The following TARS3 variants were observed in gnomAD, a reference collection of about 807,000 sequenced individuals.
TARS3 encodes the protein threonyl-tRNA synthetase 3.
In TARS3, 94 loss-of-function variants were observed where a neutral mutation model predicts 103.5. The ratio of observed to expected loss-of-function variants is 0.91; its 90% CI spans 0.77 to 1.08. The LOEUF (loss-of-function observed/expected upper bound fraction) is 1.08, where lower values mean the gene tolerates loss of function less well. Ranked by LOEUF, TARS3 falls within the 50% of genes least tolerant of loss-of-function variation. The probability of loss-of-function intolerance (pLI) is 0.00; values close to 1 mark genes in which losing one functional copy is unlikely to be tolerated. For missense variants in TARS3, 952 were observed against 995.2 expected, an observed-to-expected ratio of 0.96 and a Z score of 0.58; for synonymous variants, 416 against 355.4, an observed-to-expected ratio of 1.17 and a Z score of -1.92.
chr15:101,696,023 C>T (rs1349173778), intron 10 of TARS3: 1 of 151,618 alleles, frequency 6.6e-6, no homozygotes, highest in African/African-American at 2.4e-5. Flanking sequence ...TTGAGACCAT[C>T]CTGGCTAACA....
At chr15:101,661,289 G>C (rs752007364) in intron 16 of TARS3, among the ~76,000 whole-genome samples, 2 of 151,694 alleles carry the variant, frequency 1.3e-5, no homozygotes, top group Non-Finnish European at 2.9e-5. Flanking sequence ...CTCCTCAGTG[G>C]CTGTAGGGAA....
Position 101,698,359 on chromosome 15 carries a change from C to T in TARS3, c.1320+2727G>A, listed in dbSNP as rs995193449. ...AAGAAAAATAAAAAATAAAAAAATA[C>T]ATAAATAATTTTTTTTTTTTTAAAA... On this transcript the variant is annotated intron_variant, in intron 10 of 18. Transcript: ENST00000335968. 3.3e-5 allele frequency among the ~76,000 whole-genome samples: 5 copies of T among 151,588 alleles called. No homozygotes were observed. The East Asian group carries it at 7.7e-4, about 23-fold the overall frequency.
chr15:101,679,339 T>C lies in TARS3; in HGVS notation c.1651-3602A>G, dbSNP rs1898161064. Among the ~76,000 whole-genome samples, 3 of 148,292 alleles carry C rather than the reference T, an allele frequency of 2.0e-5. No individual in the cohort carries two copies. The South Asian group carries it at 6.2e-4, about 31-fold the overall frequency. On this transcript the variant is annotated intron_variant, in intron 12 of 18. Transcript: ENST00000335968. Reference sequence around the variant, plus strand: ...TTTCTCTTTCAGTCTGTTTTCTCTATGTTTTTCAGATTGTGTAATTTCTGT... The same window carrying C: ...TTTCTCTTTCAGTCTGTTTTCTCTACGTTTTTCAGATTGTGTAATTTCTGT...
intron 3 of TARS3, 31 bp from the exon 4 acceptor site, chr15:101,714,994 C>CT (rs1343283440): frequency 6.3e-7 from 1 of 1,589,416 alleles, no homozygotes; most frequent in Non-Finnish European, 8.6e-7. Flanking sequence ...TGGGAGTTAA[C>CT]TTTATCACTG....
At chr15:101,683,610 C>T (rs990156841) in intron 12 of TARS3, among the ~76,000 whole-genome samples, 3 of 152,170 alleles carry the variant, frequency 2.0e-5, no homozygotes, top group African/African-American at 7.2e-5. Context: ...ATATTACCCA[C>T]CCCACATGAA....
chr15:101,711,874 T>C lies in TARS3; in HGVS notation c.812+6A>G. ...TGCATTCACAAGCCAGTATTCAGTG[T>C]GTTACCTGTCTTCAATGAACATGTC... On this transcript the variant is annotated splice_donor_region_variant and intron_variant, in intron 5 of 18. Transcript: ENST00000335968. The C allele has an allele frequency of 6.2e-7, 1 of 1,613,572 alleles. No individual in the cohort carries two copies. Among genetic ancestry groups the C allele is most frequent in the Non-Finnish European group, 8.5e-7 (1 of 1,179,668 alleles).
intron 18 of TARS3, among the ~76,000 whole-genome samples, 178 bp downstream of exon 18, chr15:101,656,744 A>T (rs775990786): frequency 6.6e-6 from 1 of 152,216 alleles, no homozygotes; most frequent in Non-Finnish European, 1.5e-5. Context: ...CTTCCAGCAA[A>T]CAACAAAGAG....
chr15:101,677,328 TTC>T (rs1210337397), intron 12 of TARS3, among the ~76,000 whole-genome samples: 6 of 152,166 alleles, frequency 3.9e-5, no homozygotes, highest in Middle Eastern at 3.4e-3. Flanking sequence ...GAAAGGCAAA[TTC>T]TCTCTCTTTT....
chr15:101,688,024 T>C (rs945638648), intron 10 of TARS3, among the ~76,000 whole-genome samples: 1 of 152,160 alleles, frequency 6.6e-6, no homozygotes, highest in East Asian at 1.9e-4. Flanking sequence ...TACTTTGTTA[T>C]AGCAGCACAA....
chr15:101,667,311 T>TA (rs1477751702), intron 15 of TARS3, among the ~76,000 whole-genome samples: 1 of 152,208 alleles, frequency 6.6e-6, no homozygotes, highest in Non-Finnish European at 1.5e-5. Flanking sequence ...GGCTTCAACT[T>TA]AAAGTCACCA....
chr15:101,671,780 T>A, intron 13 of TARS3, 32 bp from the exon 14 acceptor site: 1 of 1,570,708 alleles, frequency 6.4e-7, no homozygotes, highest in East Asian at 2.2e-5. Context: ...GATACAATTA[T>A]ACACTGTATC....
intron 3 of TARS3, among the ~76,000 whole-genome samples, chr15:101,719,615 G>A (rs919419180): frequency 3.3e-5 from 5 of 152,212 alleles, no homozygotes; most frequent in Non-Finnish European, 7.3e-5. Context: ...TGTGAGCTAA[G>A]AGGATGTAAG....
In TARS3 at chr15:101,654,692, C is replaced by T. The variant is rs749978074; in HGVS notation, c.2299G>A (p.Val767Met). 8.7e-6 allele frequency: 14 copies of T among 1,613,968 alleles called. No homozygotes were observed. The highest frequency in any genetic ancestry group is 6.7e-5 in the East Asian group (3 of 44,874). The part of the protein sequence containing the change: ...EKEKIDNAVN[V>M]RTRDNKIHGE... ...TGAATTTTGTTGTCTCTTGTTCGCACGTTTACAGCATTATCTATCTTTTCC... is the reference window on the plus strand; with the variant it reads ...TGAATTTTGTTGTCTCTTGTTCGCATGTTTACAGCATTATCTATCTTTTCC... The change falls in exon 19 of 19, where the codon GTG becomes ATG. Residue 767 changes from valine (V) to methionine (M), a missense_variant. By Grantham distance (21) the Val-to-Met change is conservative (BLOSUM62 1). Coordinates refer to ENST00000335968, the MANE Select transcript of TARS3 (RefSeq NM_152334.3).
intron 7 of TARS3, among the ~76,000 whole-genome samples, chr15:101,705,282 C>T (rs191783783): frequency 4.5e-4 from 69 of 152,246 alleles, no homozygotes; most frequent in African/African-American, 1.6e-3. Flanking sequence ...GGACTCTGGA[C>T]AATGGGGCAG....
At chr15:101,710,301 A>G (rs2141443343) in intron 5 of TARS3, among the ~76,000 whole-genome samples, 2 of 152,338 alleles carry the variant, frequency 1.3e-5, no homozygotes, top group South Asian at 4.1e-4. Flanking sequence ...AACATCCATT[A>G]TAATACACTG....
chr15:101,692,791 T>C (rs967790637), intron 10 of TARS3, among the ~76,000 whole-genome samples: 4 of 152,226 alleles, frequency 2.6e-5, no homozygotes, highest in Admixed American at 6.5e-5. Context: ...CCATAAATAC[T>C]TCCTTCACTA....
chr15:101,661,659 T>C, intron 16 of TARS3, 53 bp downstream of exon 16: 1 of 1,102,416 alleles, frequency 9.1e-7, no homozygotes, highest in Non-Finnish European at 1.3e-6. Flanking sequence ...AGTAAATTAA[T>C]AAAAATTAAA....
chr15:101,686,909 G>C (rs1331605684), intron 10 of TARS3, among the ~76,000 whole-genome samples: 1 of 151,452 alleles, frequency 6.6e-6, no homozygotes, highest in East Asian at 1.9e-4. Flanking sequence ...TGTATACTTT[G>C]AGCACATTTG....
chr15:101,692,874 C>G (rs1050244799), intron 10 of TARS3, among the ~76,000 whole-genome samples: 2 of 152,196 alleles, frequency 1.3e-5, no homozygotes, highest in Non-Finnish European at 2.9e-5. Context: ...TGTTTTGAGG[C>G]CTGCCATGTT....
Sources: gnomAD v4.1 joint callset for allele counts (sites outside exome capture counted in the v4.1 genomes callset) on GRCh38, gnomAD v4.1.1 for gene constraint, MANE v1.5 for transcripts, NCBI Gene and HGNC (gene_info 2026-07-23, HGNC 2026-07-21) for gene names.